The following WDFY4 variants were observed in gnomAD, a reference collection of about 807,000 sequenced individuals.
WDFY4 encodes WDFY family member 4.
Under a neutral mutation model 351.9 loss-of-function variants are expected in WDFY4, and 169 were observed. The ratio of observed to expected loss-of-function variants is 0.48; its 90% CI spans 0.42 to 0.55. The LOEUF (loss-of-function observed/expected upper bound fraction) is 0.55. WDFY4 is among the 20% of genes least tolerant of loss of function. The pLI is 0.00. For missense variants in WDFY4, 3,803 were observed against 3,935.6 expected, an observed-to-expected ratio of 0.97 and a Z score of 0.90; for synonymous variants, 1,622 against 1,574.6, an observed-to-expected ratio of 1.03 and a Z score of -0.71.
At chr10:48,971,237 C>T (rs1281754189) in intron 57 of WDFY4, among the ~76,000 whole-genome samples, 1 of 152,150 alleles carries the variant, frequency 6.6e-6, no homozygotes, top group African/African-American at 2.4e-5. Context: ...TCACTCACGC[C>T]TGTAATACCA....
At chr10:48,725,853 CT>C (rs1372512092) in intron 5 of WDFY4, 27 bp from the exon 6 acceptor site, 1 of 1,527,232 alleles carries the variant, frequency 6.5e-7, no homozygotes, top group Non-Finnish European at 8.9e-7. Context: ...ACCAGGTCTC[CT>C]TGACTGTTTA....
chr10:48,701,949 G>T (rs1277185203), intron 1 of WDFY4, among the ~76,000 whole-genome samples: 1 of 152,094 alleles, frequency 6.6e-6, no homozygotes, highest in Non-Finnish European at 1.5e-5. Flanking sequence ...TGAAGCCAAG[G>T]GACTAAAATC....
At chr10:48,962,448 GC>G (rs1468606040) in intron 53 of WDFY4, among the ~76,000 whole-genome samples, 4 of 152,194 alleles carry the variant, frequency 2.6e-5, no homozygotes, top group African/African-American at 9.7e-5. Context: ...TGGGCACCTA[GC>G]CCTGAAGCTA....
chr10:48,712,885 T>C (rs2063803311), intron 2 of WDFY4, among the ~76,000 whole-genome samples: 1 of 152,200 alleles, frequency 6.6e-6, no homozygotes, highest in Non-Finnish European at 1.5e-5. Context: ...GCCTTATACA[T>C]GTATTGGTTG....
At chr10:48,982,392 C>G (rs540275819) in intron 61 of WDFY4, 117 bp from the exon 62 acceptor site, 1 of 864,172 alleles carries the variant, frequency 1.2e-6, no homozygotes, top group Non-Finnish European at 1.7e-6. Flanking sequence ...GAGACAAGAC[C>G]AGGGGCAAGC....
chr10:48,787,986 CCTTCTCCTT>C, intron 20 of WDFY4, among the ~76,000 whole-genome samples: 1 of 65,526 alleles, frequency 1.5e-5, no homozygotes, highest in African/African-American at 6.3e-5. Flanking sequence ...TTCTTCTTCT[CCTTCTCCTT>C]CTCCTTCTCC....
chr10:48,924,799 A>C (rs1426385377), intron 47 of WDFY4, among the ~76,000 whole-genome samples: 1 of 152,266 alleles, frequency 6.6e-6, no homozygotes, highest in African/African-American at 2.4e-5. Flanking sequence ...AAGCATTTCC[A>C]GTTGTAAGAC....
At chr10:48,790,385 G>A (rs1035573407) in intron 22 of WDFY4, among the ~76,000 whole-genome samples, 1 of 152,230 alleles carries the variant, frequency 6.6e-6, no homozygotes, top group African/African-American at 2.4e-5. Context: ...GGATCTAGAG[G>A]ACAGGCAAGA....
intron 27 of WDFY4, 50 bp from the exon 28 acceptor site, chr10:48,807,809 T>C: frequency 6.5e-7 from 1 of 1,531,006 alleles, no homozygotes; most frequent in African/African-American, 1.4e-5. Flanking sequence ...GCAGCAAATA[T>C]TATGTCTCTT....
intron 37 of WDFY4, among the ~76,000 whole-genome samples, chr10:48,829,786 A>G (rs1333708699): frequency 6.6e-6 from 1 of 152,140 alleles, no homozygotes; most frequent in African/African-American, 2.4e-5. Flanking sequence ...TGGGAGGAGG[A>G]GGTTGCAGTG....
intron 47 of WDFY4, among the ~76,000 whole-genome samples, chr10:48,931,096 A>AACACACAC (rs10598078): frequency 5.5e-4 from 83 of 150,362 alleles, no homozygotes; most frequent in African/African-American, 1.3e-3. Context: ...CTCACACTCA[A>AACACACAC]ACACACACAC....
chr10:48,790,995 G>A, intron 23 of WDFY4, 78 bp downstream of exon 23: 1 of 1,497,138 alleles, frequency 6.7e-7, no homozygotes. Flanking sequence ...AGCGTTGCTT[G>A]CCTCAGTTGC....
At chr10:48,942,767 G>A (rs1202195485) in intron 48 of WDFY4, among the ~76,000 whole-genome samples, 1 of 152,198 alleles carries the variant, frequency 6.6e-6, no homozygotes, top group Non-Finnish European at 1.5e-5. Context: ...AGCGGCCTTG[G>A]TGGATTTTAT....
chr10:48,893,608 C>T (rs1836922755), intron 44 of WDFY4, among the ~76,000 whole-genome samples: 1 of 152,252 alleles, frequency 6.6e-6, no homozygotes, highest in East Asian at 1.9e-4. Context: ...ATGGTGGACT[C>T]CATAGATGGA....
In WDFY4 at chr10:48,747,790, T is replaced by A. The variant is rs1336334880; in HGVS notation, c.2459+4242T>A. 2.6e-5 allele frequency among the ~76,000 whole-genome samples: 4 copies of A among 152,366 alleles called. No homozygotes were observed. The South Asian group carries it at 6.2e-4, about 24-fold the overall frequency. On this transcript the variant is annotated intron_variant, in intron 12 of 61. Transcript: ENST00000325239. ...ACACAAGAATCATAATTATTTCTTC[T>A]TGTGTTTTTTGAGAGTATATTGTTT...
intron 19 of WDFY4, among the ~76,000 whole-genome samples, chr10:48,783,438 A>T (rs2066292581): frequency 6.6e-6 from 1 of 151,924 alleles, no homozygotes; most frequent in Non-Finnish European, 1.5e-5. Flanking sequence ...ACCCCCAGAT[A>T]TGCAGGGCCA....
intron 11 of WDFY4, among the ~76,000 whole-genome samples, chr10:48,738,523 A>G (rs2064747085): frequency 6.6e-6 from 1 of 152,118 alleles, no homozygotes; most frequent in African/African-American, 2.4e-5. Flanking sequence ...AGGAGCTGGC[A>G]TTGTTTTCCA....
rs545694737 is a variant in WDFY4 at position 48,946,905 on chromosome 10, C to A, written c.7913C>A (p.Ala2638Asp). 2 of 1,552,098 alleles carry A rather than the reference C, an allele frequency of 1.3e-6. No individual in the cohort carries two copies. The highest frequency in any genetic ancestry group is 2.4e-5 in the East Asian group (1 of 40,924). The change falls in exon 51 of 62, where the codon GCC (alanine) becomes GAC (aspartate). Residue 2638 changes from alanine (A) to aspartate (D), a missense_variant. Coordinates refer to ENST00000325239, the MANE Select transcript of WDFY4 (RefSeq NM_001394531.1). ...CACTACTACACCCACTACTCCTCGG[C>A]CATCATCGTGGCCTCCTACCTGGTC... is the stretch of plus-strand genomic sequence containing the variant. ...QCHYYTHYSS[A>D]IIVASYLVRM...
chr10:48,803,409 C>T (rs767195669), intron 25 of WDFY4, 50 bp downstream of exon 25: 2 of 1,534,858 alleles, frequency 1.3e-6, no homozygotes, highest in South Asian at 2.4e-5. Flanking sequence ...GCTGAATGTC[C>T]AGAACAGAGA....
Sources: allele counts gnomAD v4.1 joint callset (sites outside exome capture counted in the v4.1 genomes callset), GRCh38; gene constraint gnomAD v4.1.1; transcripts MANE v1.5; gene names NCBI Gene and HGNC (gene_info 2026-07-23, HGNC 2026-07-21).